NBEAL1: variants seen among roughly 807,000 people sequenced by gnomAD.
The protein encoded by NBEAL1 is neurobeachin like 1.
A neutral mutation model predicts 351.3 loss-of-function variants in NBEAL1; 273 were observed. The observed-to-expected ratio is 0.78, with a 90% confidence interval of 0.70 to 0.86. The LOEUF is 0.86. Ranked by LOEUF, NBEAL1 falls within the 40% of genes least tolerant of loss-of-function variation. The probability of loss-of-function intolerance (pLI) is 0.00; values close to 1 mark genes in which losing one functional copy is unlikely to be tolerated. For synonymous variants in NBEAL1, 1,050 were observed against 1,086.4 expected, an observed-to-expected ratio of 0.97 and a Z score of 0.66; for missense variants, 2,961 against 3,201.3, an observed-to-expected ratio of 0.92 and a Z score of 1.81.
At chr2:203,099,733 C>CT (rs369733748) in intron 12 of NBEAL1, 21 bp downstream of exon 12, 125,076 of 1,081,446 alleles carry the variant, frequency 0.12, no homozygotes, top group South Asian at 0.14. Context: ...TATCCTCCAG[C>CT]TTTTTTTTTT....
chr2:203,078,243 TG>T (rs780537510), intron 8 of NBEAL1, among the ~76,000 whole-genome samples: 1 of 152,202 alleles, frequency 6.6e-6, no homozygotes, highest in South Asian at 2.1e-4. Context: ...TAAGTGTATA[TG>T]TTTTTTTTTC....
chr2:203,155,486 G>A (rs1255637793), intron 35 of NBEAL1, among the ~76,000 whole-genome samples: 2 of 151,988 alleles, frequency 1.3e-5, no homozygotes, highest in Non-Finnish European at 2.9e-5. Flanking sequence ...ACCCAGGCTG[G>A]AGTGCAGTGG....
intron 10 of NBEAL1, among the ~76,000 whole-genome samples, chr2:203,096,842 C>T (rs2062195245): frequency 1.3e-5 from 2 of 152,206 alleles, no homozygotes; most frequent in Non-Finnish European, 2.9e-5. Flanking sequence ...GATAGCACTT[C>T]ACAAACTTCC....
chr2:203,144,454 G>A, intron 31 of NBEAL1, 146 bp from the exon 32 acceptor site: 1 of 713,936 alleles, frequency 1.4e-6, no homozygotes, highest in East Asian at 2.7e-5. Context: ...TAACCCTTTA[G>A]CTTGGAGGCA....
At position 203,157,746 on chromosome 2, in the gene NBEAL1, G is replaced by T. The variant is rs769559051; in HGVS notation, c.5635G>T (p.Val1879Leu). 16 of 1,598,924 alleles carry T rather than the reference G, an allele frequency of 1.0e-5. No individual in the cohort carries two copies. The highest frequency in any genetic ancestry group is 1.3e-5 in the Non-Finnish European group (15 of 1,173,362). Residue 1879 changes from valine to leucine, a missense_variant, in exon 36 of 56, where the codon GTG becomes TTG. Coordinates refer to ENST00000683969, the MANE Select transcript of NBEAL1 (RefSeq NM_001378026.1). ...CAGTGATACATTGCTTTTGGAAGTA[G>T]TGAAACAAGTAAAAGTTAGTGATAT... ...PSSDTLLLEV[V>L]KQVKVSDMVE...
At chr2:203,033,064 G>A (rs910397603) in intron 2 of NBEAL1, among the ~76,000 whole-genome samples, 1 of 148,812 alleles carries the variant, frequency 6.7e-6, no homozygotes, top group Non-Finnish European at 1.5e-5. Context: ...GCAGTGGCGC[G>A]ATCTCGGCTC....
intron 47 of NBEAL1, 131 bp downstream of exon 47, chr2:203,194,042 CTGT>C (rs748130119): frequency 1.1e-5 from 5 of 467,206 alleles, no homozygotes; most frequent in Admixed American, 8.1e-5. Context: ...CTGTAATAAT[CTGT>C]TGTTGGATTT....
Position 203,126,693 on chromosome 2 carries a change from G to T in NBEAL1, c.3122G>T (p.Arg1041Leu). The T allele has an allele frequency of 6.6e-7, 1 of 1,510,588 alleles. No individual in the cohort carries two copies. The highest frequency in any genetic ancestry group is 1.3e-5 in the South Asian group (1 of 76,374). The allele number at this position is 1,510,588 out of a possible 1,614,324, so 93.6% of individuals were successfully genotyped here. The change falls in exon 22 of 56, where the codon CGT (arginine) becomes CTT (leucine). Residue 1041 changes from arginine to leucine, a missense_variant. Coordinates refer to ENST00000683969, the MANE Select transcript of NBEAL1 (RefSeq NM_001378026.1). ...YLLFDFRIWN[R>L]GDFPFRIGHI... Reference sequence around the variant, plus strand: ...CTCTTTGACTTTCGTATTTGGAACCGTGGAGATTTTCCCTTTCGAATCGGT... The same window carrying T: ...CTCTTTGACTTTCGTATTTGGAACCTTGGAGATTTTCCCTTTCGAATCGGT...
chr2:203,053,489 T>G (rs939233482), intron 4 of NBEAL1, among the ~76,000 whole-genome samples: 16 of 151,832 alleles, frequency 1.1e-4, no homozygotes, highest in Non-Finnish European at 2.1e-4. Flanking sequence ...GGTATCTGGG[T>G]TTTTTTTGTC....
At chr2:203,144,220 A>G (rs1245211302) in intron 31 of NBEAL1, among the ~76,000 whole-genome samples, 1 of 151,686 alleles carries the variant, frequency 6.6e-6, no homozygotes, top group African/African-American at 2.4e-5. Context: ...CAAAAAAAAA[A>G]AAAAAAAAAA....
intron 18 of NBEAL1, among the ~76,000 whole-genome samples, chr2:203,120,837 C>T (rs945653927): frequency 6.6e-6 from 1 of 152,034 alleles, no homozygotes; most frequent in Non-Finnish European, 1.5e-5. Flanking sequence ...TAGTTACAGA[C>T]TAAAGTAGTA....
chr2:203,161,945 C>T (rs1006942583), intron 36 of NBEAL1, among the ~76,000 whole-genome samples: 270 of 151,738 alleles, frequency 1.8e-3, no homozygotes, highest in African/African-American at 6.4e-3. Flanking sequence ...TTAGGGATTA[C>T]CTTTGAAGTT....
rs1187937261 is a variant in NBEAL1, at chr2:203,220,530, T to C, written c.*3176T>C. Among the ~76,000 whole-genome samples the C allele has an allele frequency of 6.6e-6, 1 of 152,218 alleles. No homozygotes were observed. Among genetic ancestry groups the C allele is most frequent in the African/African-American group, 2.4e-5 (1 of 41,468 alleles). On this transcript the variant is annotated 3_prime_UTR_variant, in exon 56 of 56. Coordinates refer to ENST00000683969, the MANE Select transcript of NBEAL1 (RefSeq NM_001378026.1). ...TCTTTGCAAAACTTTTTGTATGCTT[T>C]TGTTTCTTGATACTGGTGATGACAA...
intron 10 of NBEAL1, among the ~76,000 whole-genome samples, chr2:203,088,797 G>A (rs1338616776): frequency 6.6e-6 from 1 of 152,192 alleles, no homozygotes; most frequent in African/African-American, 2.4e-5. Context: ...CTAAGTATTT[G>A]ACATGAATCA....
Position 203,070,817 on chromosome 2 carries a change from C to T in NBEAL1, c.598+2342C>T, listed in dbSNP as rs575726911. On this transcript the variant is annotated intron_variant, in intron 7 of 55. Coordinates refer to ENST00000683969, the MANE Select transcript of NBEAL1 (RefSeq NM_001378026.1). Reference sequence around the variant, plus strand: ...GCTGCTAAATTATGCATGAAGGATCCGCCCCTATGATCCAGTCATTTCCCA... The same window carrying T: ...GCTGCTAAATTATGCATGAAGGATCTGCCCCTATGATCCAGTCATTTCCCA... Among the ~76,000 whole-genome samples, 9 of 152,276 alleles carry T rather than the reference C, an allele frequency of 5.9e-5. No homozygotes were observed. In the East Asian group the frequency reaches 7.7e-4, roughly 13 times the overall value.
At chr2:203,159,115 G>A (rs980276376) in intron 36 of NBEAL1, among the ~76,000 whole-genome samples, 6 of 151,980 alleles carry the variant, frequency 3.9e-5, no homozygotes, top group Non-Finnish European at 8.8e-5. Flanking sequence ...AGAGTGAGCC[G>A]CTGCACCCAG....
intron 3 of NBEAL1, among the ~76,000 whole-genome samples, chr2:203,043,327 GT>G (rs1184558295): frequency 2.6e-5 from 4 of 152,222 alleles, no homozygotes; most frequent in African/African-American, 9.6e-5. Flanking sequence ...TTTAGATAAA[GT>G]TTTTTCTATA....
intron 33 of NBEAL1, among the ~76,000 whole-genome samples, chr2:203,146,502 A>G (rs1353898263): frequency 6.6e-6 from 1 of 152,158 alleles, no homozygotes; most frequent in East Asian, 1.9e-4. Context: ...TTTTTAAAAT[A>G]ATACATTAGA....
rs769384780 is a variant in NBEAL1, at chr2:203,099,665, A to G, written c.1222A>G (p.Thr408Ala). The G allele has an allele frequency of 3.9e-6, 6 of 1,551,868 alleles. No individual in the cohort carries two copies. Among genetic ancestry groups the G allele is most frequent in the Non-Finnish European group, 5.2e-6 (6 of 1,146,974 alleles). The change falls in exon 12 of 56, where the codon ACC (threonine) becomes GCC (alanine). Residue 408 changes from threonine to alanine, a missense_variant. Transcript: ENST00000683969. The stretch of plus-strand genomic sequence containing the variant: ...ACAATTGGATTGTTTGGCCATATCA[A>G]CCATTCAGGCTTTGACCGCAGTAAT... ...QGQLDCLAIS[T>A]IQALTAVMNK...
Sources: allele counts gnomAD v4.1 joint callset (sites outside exome capture counted in the v4.1 genomes callset), GRCh38; gene constraint gnomAD v4.1.1; transcripts MANE v1.5; gene names NCBI Gene and HGNC (gene_info 2026-07-23, HGNC 2026-07-21).